The following LRRC37A2 variants were observed in gnomAD, a reference collection of about 807,000 sequenced individuals.
LRRC37A2 encodes the protein leucine rich repeat containing 37 member A2.
LRRC37A2 carries 9 observed loss-of-function variants against 68.8 expected under a neutral mutation model. The observed-to-expected ratio is 0.13, with a 90% CI of 0.08 to 0.23. The LOEUF is 0.23. Among genes scored for constraint, LRRC37A2 ranks in the 10% least tolerant of loss-of-function variants. The pLI is 1.00. For missense variants in LRRC37A2, 168 were observed against 950.4 expected (o/e 0.18, Z 10.82); for synonymous variants, 63 against 367.6 (o/e 0.17, Z 9.48).
intron 6 of LRRC37A2, among the ~76,000 whole-genome samples, chr17:46,539,493 T>C (rs1424670017): frequency 6.6e-6 from 1 of 151,338 alleles, no homozygotes; most frequent in Non-Finnish European, 1.5e-5. Context: ...CCAGCCGCAG[T>C]GGCTCATGCC....
the LRRC37A2 span, among the ~76,000 whole-genome samples, chr17:46,769,619 G>A: frequency 6.6e-6 from 1 of 152,190 alleles, no homozygotes; most frequent in African/African-American, 2.4e-5. Flanking sequence ...AGGGTGGACA[G>A]ACGAAGTGGC....
chr17:46,823,825 C>T, the LRRC37A2 span, among the ~76,000 whole-genome samples: 1 of 152,166 alleles, frequency 6.6e-6, no homozygotes, highest in Non-Finnish European at 1.5e-5. Flanking sequence ...TGGCCGGTTG[C>T]CTGTCATCTC....
the LRRC37A2 span, among the ~76,000 whole-genome samples, chr17:47,037,142 T>C: frequency 2.1e-5 from 3 of 141,380 alleles, no homozygotes; most frequent in African/African-American, 5.3e-5. Context: ...GTACAAAAAT[T>C]AGCAGGGGGT....
At chr17:46,952,252 T>A in the LRRC37A2 span, among the ~76,000 whole-genome samples, 1 of 152,198 alleles carries the variant, frequency 6.6e-6, no homozygotes, top group South Asian at 2.1e-4. Flanking sequence ...GAGGGCTGCC[T>A]CCTCCAGCAG....
the LRRC37A2 span, among the ~76,000 whole-genome samples, chr17:46,911,691 T>C: frequency 3.0e-4 from 45 of 152,146 alleles, no homozygotes; most frequent in Admixed American, 7.2e-4. Flanking sequence ...AAGACCAGTC[T>C]GGCCAACATG....
At chr17:46,896,345 GAAAGAAAGAA>G in the LRRC37A2 span, among the ~76,000 whole-genome samples, 3 of 143,216 alleles carry the variant, frequency 2.1e-5, no homozygotes, top group South Asian at 2.2e-4. Context: ...GAGAGAGAAA[GAAAGAAAGAA>G]AAAGAAAGAA....
At chr17:46,805,561 G>A in the LRRC37A2 span, among the ~76,000 whole-genome samples, 10 of 152,086 alleles carry the variant, frequency 6.6e-5, no homozygotes, top group South Asian at 2.1e-4. Flanking sequence ...TGACAAGAGT[G>A]AAAACTCTGT....
chr17:46,952,384 GAC>G, the LRRC37A2 span, among the ~76,000 whole-genome samples: 1 of 152,056 alleles, frequency 6.6e-6, no homozygotes, highest in Non-Finnish European at 1.5e-5. Flanking sequence ...AATTCCCATA[GAC>G]ACTGCTGGTT....
intron 6 of LRRC37A2, among the ~76,000 whole-genome samples, chr17:46,534,319 G>A (rs1430180143): frequency 1.4e-5 from 2 of 141,686 alleles, no homozygotes; most frequent in East Asian, 4.1e-4. Flanking sequence ...AAGGTCTCTG[G>A]TTTTCCTAGG....
chr17:46,801,158 A>G, the LRRC37A2 span, among the ~76,000 whole-genome samples: 1 of 152,198 alleles, frequency 6.6e-6, no homozygotes, highest in Non-Finnish European at 1.5e-5. Context: ...CCACCCAGAT[A>G]AAAAGGCAGA....
At chr17:46,885,328 A>C in the LRRC37A2 span, 1 of 224,484 alleles carries the variant, frequency 4.5e-6, no homozygotes, top group African/African-American at 2.7e-5. Flanking sequence ...TTTGAGACAG[A>C]GTCTCGCTCT....
At chr17:46,552,693 G>C (rs1341521379) in intron 11 of LRRC37A2, 1 of 77,454 alleles carries the variant, frequency 1.3e-5, no homozygotes, top group Non-Finnish European at 3.3e-5. Context: ...AGATCAGGCT[G>C]AATATTTGAA....
the LRRC37A2 span, among the ~76,000 whole-genome samples, chr17:47,043,825 A>T: frequency 7.4e-6 from 1 of 135,998 alleles, no homozygotes; most frequent in Non-Finnish European, 1.6e-5. Flanking sequence ...AGATCACCTG[A>T]GGTCAGGAGT....
At chr17:46,939,536 C>G in the LRRC37A2 span, 5 of 985,460 alleles carry the variant, frequency 5.1e-6, no homozygotes, top group African/African-American at 8.7e-5. Flanking sequence ...TGCGCCCAGG[C>G]TTTGTGGGCC....
the LRRC37A2 span, chr17:46,978,706 A>T: frequency 6.2e-7 from 1 of 1,612,036 alleles, no homozygotes; most frequent in South Asian, 1.1e-5. Flanking sequence ...CTGCACCAGA[A>T]AGTTGATCAT....
At chr17:46,823,201 T>TA in the LRRC37A2 span, among the ~76,000 whole-genome samples, 30 of 132,338 alleles carry the variant, frequency 2.3e-4, 1 homozygote, top group Admixed American at 1.7e-4. Flanking sequence ...TATATATTTA[T>TA]ATATAATATA....
the LRRC37A2 span, among the ~76,000 whole-genome samples, chr17:46,490,733 A>C: frequency 6.7e-6 from 1 of 150,296 alleles, no homozygotes; most frequent in Non-Finnish European, 1.5e-5. Flanking sequence ...CAAAAAAAAA[A>C]AAAAAACCTT....
the LRRC37A2 span, among the ~76,000 whole-genome samples, chr17:46,775,845 C>T: frequency 0.012 from 1,891 of 151,854 alleles, 22 homozygotes; most frequent in Non-Finnish European, 0.02. Context: ...GATCTCCTGA[C>T]CTCGTGATCC....
At chr17:46,837,640 A>T in the LRRC37A2 span, among the ~76,000 whole-genome samples, 4 of 152,106 alleles carry the variant, frequency 2.6e-5, no homozygotes, top group South Asian at 8.3e-4. Flanking sequence ...GTCTGGGGTG[A>T]CTCCAAAGGA....
Sources: gnomAD v4.1 joint callset for allele counts (sites outside exome capture counted in the v4.1 genomes callset) on GRCh38, gnomAD v4.1.1 for gene constraint, MANE v1.5 for transcripts, NCBI Gene and HGNC (gene_info 2026-07-23, HGNC 2026-07-21) for gene names.